Variants in CLSTN2 observed in about 807,000 individuals in gnomAD.
CLSTN2 encodes calsyntenin 2.
In CLSTN2, 48 loss-of-function variants were observed where a neutral mutation model predicts 101.2. That is an observed-to-expected ratio of 0.47 (90% CI 0.38 to 0.60). CLSTN2 has a LOEUF of 0.60. Among genes scored for constraint, CLSTN2 ranks in the 20% least tolerant of loss-of-function variants. The pLI is 0.00. For synonymous variants in CLSTN2, 481 were observed against 463.6 expected (o/e 1.04, Z -0.48); for missense variants, 1,160 against 1,238.2 (o/e 0.94, Z 0.95).
intron 1 of CLSTN2, among the ~76,000 whole-genome samples, chr3:140,099,650 G>C (rs1199323909): frequency 6.6e-6 from 1 of 152,134 alleles, no homozygotes; most frequent in Non-Finnish European, 1.5e-5. Flanking sequence ...GGCAAGAACT[G>C]GGTCCCATAG....
At chr3:140,226,668 C>T (rs2086323102) in intron 2 of CLSTN2, among the ~76,000 whole-genome samples, 1 of 152,098 alleles carries the variant, frequency 6.6e-6, no homozygotes, top group African/African-American at 2.4e-5. Context: ...CTATGCAGTG[C>T]TGGTGTATTA....
At chr3:140,021,819 T>C (rs2007322267) in intron 1 of CLSTN2, among the ~76,000 whole-genome samples, 1 of 152,218 alleles carries the variant, frequency 6.6e-6, no homozygotes, top group Admixed American at 6.5e-5. Context: ...TAAGGCATTC[T>C]CCATTGTTAA....
intron 1 of CLSTN2, among the ~76,000 whole-genome samples, chr3:140,167,684 C>A (rs1020131861): frequency 1.3e-5 from 2 of 152,178 alleles, no homozygotes; most frequent in African/African-American, 4.8e-5. Context: ...AGAACATTCC[C>A]TTGTTCCCCT....
intron 1 of CLSTN2, among the ~76,000 whole-genome samples, chr3:140,106,855 A>G (rs1231883956): frequency 6.6e-6 from 1 of 152,262 alleles, no homozygotes; most frequent in Admixed American, 6.5e-5. Flanking sequence ...TAACAAAATT[A>G]TAATTGTGCC....
chr3:140,230,134 A>G (rs1206056198), intron 2 of CLSTN2, among the ~76,000 whole-genome samples: 1 of 152,080 alleles, frequency 6.6e-6, no homozygotes, highest in Admixed American at 6.6e-5. Context: ...GGATGGATAG[A>G]AGGGGTCCTG....
At chr3:140,353,758 A>G (rs562850761) in intron 2 of CLSTN2, among the ~76,000 whole-genome samples, 1 of 152,312 alleles carries the variant, frequency 6.6e-6, no homozygotes, top group South Asian at 2.1e-4. Context: ...AATTAATGAT[A>G]ATATCTATTC....
At chr3:140,556,760 C>T (rs958333368) in intron 11 of CLSTN2, 99 bp downstream of exon 11, 3 of 1,224,346 alleles carry the variant, frequency 2.5e-6, no homozygotes, top group East Asian at 4.8e-5. Flanking sequence ...ACAGGAGTTG[C>T]CTTTCGTCAG....
chr3:140,519,457 T>C, intron 8 of CLSTN2, among the ~76,000 whole-genome samples: 1 of 152,232 alleles, frequency 6.6e-6, no homozygotes, highest in East Asian at 1.9e-4. Context: ...GCTATTATTG[T>C]GTGGAAGTCT....
At chr3:140,276,761 C>G (rs2086798383) in intron 2 of CLSTN2, among the ~76,000 whole-genome samples, 1 of 152,186 alleles carries the variant, frequency 6.6e-6, no homozygotes, top group Non-Finnish European at 1.5e-5. Flanking sequence ...TATGGTTGGT[C>G]TCCAGTATCA....
intron 8 of CLSTN2, among the ~76,000 whole-genome samples, chr3:140,522,464 T>G (rs781073432): frequency 2.0e-5 from 3 of 152,240 alleles, no homozygotes; most frequent in African/African-American, 4.8e-5. Context: ...TTTCATGAAA[T>G]GAAGGTGACC....
At chr3:140,045,387 T>C (rs532272589) in intron 1 of CLSTN2, among the ~76,000 whole-genome samples, 8 of 152,338 alleles carry the variant, frequency 5.3e-5, no homozygotes, top group Admixed American at 3.3e-4. Context: ...TTATCATTTT[T>C]TGTTGCGTCT....
At chr3:140,498,221 A>G (rs1934507322) in intron 8 of CLSTN2, among the ~76,000 whole-genome samples, 1 of 152,226 alleles carries the variant, frequency 6.6e-6, no homozygotes, top group African/African-American at 2.4e-5. Flanking sequence ...GAAAGAGAGA[A>G]GAGTTTATCC....
intron 12 of CLSTN2, among the ~76,000 whole-genome samples, chr3:140,560,675 C>A (rs1935893056): frequency 6.6e-6 from 1 of 152,154 alleles, no homozygotes; most frequent in Non-Finnish European, 1.5e-5. Flanking sequence ...AAGGAACCTG[C>A]AGATGGAAGA....
At chr3:140,564,788 C>A (rs568251487) in intron 16 of CLSTN2, among the ~76,000 whole-genome samples, 1 of 152,330 alleles carries the variant, frequency 6.6e-6, no homozygotes, top group East Asian at 1.9e-4. Flanking sequence ...TTAAGGTTAT[C>A]TGATTCTGAA....
intron 2 of CLSTN2, among the ~76,000 whole-genome samples, chr3:140,393,034 A>G (rs1430164223): frequency 6.6e-6 from 1 of 152,058 alleles, no homozygotes; most frequent in Non-Finnish European, 1.5e-5. Context: ...TCCCACGCCC[A>G]TGATAACCTG....
rs565262617 is a variant in CLSTN2 at position 140,576,306 on chromosome 3, G to C, written c.*10053G>C. On this transcript the variant is annotated 3_prime_UTR_variant, in exon 17 of 17. Coordinates refer to ENST00000458420, the MANE Select transcript of CLSTN2 (RefSeq NM_022131.3). The stretch of plus-strand genomic sequence containing the variant: ...CCAACAGCTGTTTCTACAAGCTAAA[G>C]TTGTAGCTTCTCTCTACCACTGTCT... 1 of 152,180 alleles carries C rather than the reference G, an allele frequency of 6.6e-6. No homozygotes were observed. Among genetic ancestry groups the C allele is most frequent in the Non-Finnish European group, 1.5e-5 (1 of 68,034 alleles). The allele number at this position is 152,180 out of a possible 1,614,324, so 9.4% of individuals were successfully genotyped here.
chr3:140,173,317 G>T (rs2010268543), intron 1 of CLSTN2, among the ~76,000 whole-genome samples: 1 of 152,184 alleles, frequency 6.6e-6, no homozygotes, highest in Admixed American at 6.5e-5. Context: ...TCATATCCAG[G>T]TCACCCTGAT....
chr3:140,127,483 G>A (rs1433483820), intron 1 of CLSTN2, among the ~76,000 whole-genome samples: 1 of 152,188 alleles, frequency 6.6e-6, no homozygotes, highest in Non-Finnish European at 1.5e-5. Context: ...GTCACAGTGA[G>A]AAAGATGTTG....
At chr3:140,159,816 G>A (rs1380828292) in intron 1 of CLSTN2, among the ~76,000 whole-genome samples, 1 of 152,144 alleles carries the variant, frequency 6.6e-6, no homozygotes, top group Non-Finnish European at 1.5e-5. Context: ...ATATACCATG[G>A]AATACTATGC....
Sources: gnomAD v4.1 joint callset for allele counts (sites outside exome capture counted in the v4.1 genomes callset) on GRCh38, gnomAD v4.1.1 for gene constraint, MANE v1.5 for transcripts, NCBI Gene and HGNC (gene_info 2026-07-23, HGNC 2026-07-21) for gene names.